The following NEDD4L variants were observed in gnomAD, a reference collection of about 807,000 sequenced individuals.
NEDD4L encodes the protein E3 ubiquitin-protein ligase NEDD4-like.
In NEDD4L, 54 loss-of-function variants were observed where a neutral mutation model predicts 148.9. The observed-to-expected ratio is 0.36, with a 90% confidence interval of 0.29 to 0.45. The LOEUF is 0.45. NEDD4L is among the 20% of genes least tolerant of loss of function. NEDD4L has a pLI of 1.00. For synonymous variants in NEDD4L, 433 were observed against 440.7 expected, an observed-to-expected ratio of 0.98 and a Z score of 0.22; for missense variants, 856 against 1,233.8, an observed-to-expected ratio of 0.69 and a Z score of 4.59.
At chr18:58,048,233 C>T (rs895458049) in intron 1 of NEDD4L, among the ~76,000 whole-genome samples, 38 of 152,248 alleles carry the variant, frequency 2.5e-4, no homozygotes, top group African/African-American at 7.2e-4. Flanking sequence ...CCAGTCACCA[C>T]GGCTCCCTGC....
chr18:58,277,087 T>C (rs4940659), intron 5 of NEDD4L, among the ~76,000 whole-genome samples: 56,089 of 151,780 alleles, frequency 0.37, 10,580 homozygotes, highest in Middle Eastern at 0.44. Context: ...GACTGCATGG[T>C]AGGTCTCAGG....
chr18:58,158,810 A>G (rs1599206524), intron 1 of NEDD4L, among the ~76,000 whole-genome samples: 1 of 151,848 alleles, frequency 6.6e-6, no homozygotes, highest in Non-Finnish European at 1.5e-5. Flanking sequence ...TTTCATTTCC[A>G]CCCTGGGTCT....
At chr18:58,244,436 C>G (rs1412841296) in intron 2 of NEDD4L, among the ~76,000 whole-genome samples, 1 of 152,198 alleles carries the variant, frequency 6.6e-6, no homozygotes, top group Non-Finnish European at 1.5e-5. Context: ...GAAAGTGTGA[C>G]TAGACTTAAC....
At chr18:58,349,463 A>C (rs1254650505) in intron 16 of NEDD4L, 74 bp from the exon 17 acceptor site, 15 of 1,289,420 alleles carry the variant, frequency 1.2e-5, no homozygotes, top group Non-Finnish European at 1.6e-5. Flanking sequence ...AAACAGCTCA[A>C]GAAGAAAAGC....
chr18:58,122,310 G>A (rs113052533), intron 1 of NEDD4L, among the ~76,000 whole-genome samples: 1 of 152,160 alleles, frequency 6.6e-6, no homozygotes, highest in East Asian at 1.9e-4. Context: ...GACCAGTCTG[G>A]CCAACACGGT....
chr18:58,138,269 C>T (rs554164991), intron 1 of NEDD4L, among the ~76,000 whole-genome samples: 15 of 151,368 alleles, frequency 9.9e-5, no homozygotes, highest in African/African-American at 2.7e-4. Flanking sequence ...AGGCACTGGG[C>T]TAGATGACCA....
intron 1 of NEDD4L, among the ~76,000 whole-genome samples, chr18:58,050,901 T>C (rs1330325024): frequency 6.6e-6 from 1 of 152,276 alleles, no homozygotes; most frequent in Admixed American, 6.5e-5. Flanking sequence ...CAGGCATTTC[T>C]TCAATGCAGT....
At chr18:58,394,417 GA>G (rs1190199323) in intron 30 of NEDD4L, among the ~76,000 whole-genome samples, 1 of 152,136 alleles carries the variant, frequency 6.6e-6, no homozygotes, top group Admixed American at 6.5e-5. Flanking sequence ...TTTTTAAAGG[GA>G]AAAAATGGTC....
chr18:58,067,247 G>T (rs2082644533), intron 1 of NEDD4L, among the ~76,000 whole-genome samples: 1 of 152,064 alleles, frequency 6.6e-6, no homozygotes, highest in Non-Finnish European at 1.5e-5. Context: ...AAACAAGACT[G>T]GATAAAAGTC....
At chr18:58,168,866 C>T (rs1240118801) in intron 2 of NEDD4L, among the ~76,000 whole-genome samples, 1 of 152,132 alleles carries the variant, frequency 6.6e-6, no homozygotes, top group Non-Finnish European at 1.5e-5. Context: ...TCCTTTGTTT[C>T]CAAGGGAGGT....
rs1054934517 is a variant in NEDD4L at position 58,285,605 on chromosome 18, G to A, written c.298-30377G>A. 6.3e-4 allele frequency among the ~76,000 whole-genome samples: 96 copies of A among 152,176 alleles called. 4 individuals carry two copies. The highest frequency in any genetic ancestry group is 6.0e-3 in the Admixed American group (91 of 15,276). On this transcript the variant is annotated intron_variant, in intron 5 of 30. Transcript: ENST00000400345. ...AACTATAAACTAAATATTCACCAAAGCTAGCCCAGCCTAAGCCCAGGAATA... is the reference window on the plus strand; with the variant it reads ...AACTATAAACTAAATATTCACCAAAACTAGCCCAGCCTAAGCCCAGGAATA...
At chr18:58,374,261 G>T (rs1022349917) in intron 24 of NEDD4L, among the ~76,000 whole-genome samples, 34 of 152,278 alleles carry the variant, frequency 2.2e-4, no homozygotes, top group Middle Eastern at 3.4e-3. Flanking sequence ...TTATTCCCAT[G>T]TCCTGTGTTT....
chr18:58,106,546 C>T (rs1028006223), intron 1 of NEDD4L, among the ~76,000 whole-genome samples: 1 of 152,150 alleles, frequency 6.6e-6, no homozygotes, highest in African/African-American at 2.4e-5. Context: ...TCAGATGTGC[C>T]TTTGGGCAAG....
chr18:58,342,799 C>G (rs2042596898), intron 15 of NEDD4L, 107 bp from the exon 16 acceptor site: 1 of 802,642 alleles, frequency 1.2e-6, no homozygotes, highest in African/African-American at 1.8e-5. Flanking sequence ...TGGGGATCTT[C>G]CCTCTTGTCC....
At chr18:58,359,198 C>T (rs1039181061) in intron 19 of NEDD4L, among the ~76,000 whole-genome samples, 2 of 152,130 alleles carry the variant, frequency 1.3e-5, no homozygotes, top group East Asian at 3.9e-4. Context: ...TAACTACATT[C>T]TCTTTCTCTG....
chr18:58,063,587 A>G (rs1220412306), intron 1 of NEDD4L, among the ~76,000 whole-genome samples: 1 of 138,318 alleles, frequency 7.2e-6, no homozygotes. Flanking sequence ...TTTTTTTGAG[A>G]CAGATTCTCA....
chr18:58,118,293 A>G (rs1490724075), intron 1 of NEDD4L, among the ~76,000 whole-genome samples: 2 of 152,362 alleles, frequency 1.3e-5, no homozygotes, highest in South Asian at 2.1e-4. Flanking sequence ...AGCACTTGTC[A>G]GGTGCTTATG....
intron 30 of NEDD4L, among the ~76,000 whole-genome samples, chr18:58,395,016 G>A (rs560507340): frequency 1.3e-5 from 2 of 152,318 alleles, no homozygotes; most frequent in East Asian, 3.9e-4. Flanking sequence ...GTGACCTTGG[G>A]CAAGTTACCT....
intron 18 of NEDD4L, among the ~76,000 whole-genome samples, chr18:58,355,108 G>A (rs149907310): frequency 1.3e-5 from 2 of 152,306 alleles, no homozygotes; most frequent in South Asian, 4.1e-4. Flanking sequence ...GGAGGGATGG[G>A]GTCGAAATCG....
Sources: gnomAD v4.1 joint callset for allele counts (sites outside exome capture counted in the v4.1 genomes callset) on GRCh38, gnomAD v4.1.1 for gene constraint, MANE v1.5 for transcripts, NCBI Gene and HGNC (gene_info 2026-07-23, HGNC 2026-07-21) for gene names.